SPATA9: variants seen among roughly 807,000 people sequenced by gnomAD.
The protein encoded by SPATA9 is spermatogenesis-associated protein 9.
SPATA9 carries 27 observed loss-of-function variants against 25.5 expected under a neutral mutation model. The ratio of observed to expected loss-of-function variants is 1.06; its 90% CI spans 0.78 to 1.46. The LOEUF (loss-of-function observed/expected upper bound fraction) is 1.46. SPATA9 is among the 40% of genes most tolerant of loss of function. The pLI is 0.00. For synonymous variants in SPATA9, 102 were observed against 105.7 expected (o/e 0.97, Z 0.21); for missense variants, 282 against 297.5 (o/e 0.95, Z 0.38).
upstream of SPATA9, among the ~76,000 whole-genome samples, chr5:95,701,097 T>C (rs1170701832): frequency 6.6e-6 from 1 of 152,228 alleles, no homozygotes; most frequent in Non-Finnish European, 1.5e-5. Flanking sequence ...ACTTTATCTG[T>C]AAAATGTGAG....
At chr5:95,707,377 G>A in the SPATA9 span, among the ~76,000 whole-genome samples, 1 of 152,036 alleles carries the variant, frequency 6.6e-6, no homozygotes, top group African/African-American at 2.4e-5. Flanking sequence ...ACACTGAGAC[G>A]AATTAAGAGT....
At chr5:95,661,048 A>C (rs116764979) in intron 4 of SPATA9, among the ~76,000 whole-genome samples, 2,022 of 152,208 alleles carry the variant, frequency 0.013, 24 homozygotes, top group Non-Finnish European at 0.023. Flanking sequence ...TTCCTTATCC[A>C]GTTATGCCGC....
chr5:95,664,895 G>A (rs928411665), intron 3 of SPATA9, among the ~76,000 whole-genome samples: 3 of 152,100 alleles, frequency 2.0e-5, no homozygotes, highest in Non-Finnish European at 4.4e-5. Flanking sequence ...ATGTTCATTA[G>A]ACAACGTTCA....
the SPATA9 span, chr5:95,708,598 A>G: frequency 1.4e-6 from 1 of 696,476 alleles, no homozygotes; most frequent in Non-Finnish European, 2.6e-6. Flanking sequence ...CCCAGGACAG[A>G]GGTAAAAGTC....
chr5:95,730,767 C>CAAATTAATTG, the SPATA9 span: 1 of 381,120 alleles, frequency 2.6e-6, no homozygotes, highest in African/African-American at 2.1e-5. Context: ...GCGACATTAG[C>CAAATTAATTG]AAATTAATTG....
chr5:95,696,021 C>G (rs1019992968), intron 1 of SPATA9, among the ~76,000 whole-genome samples: 3 of 152,228 alleles, frequency 2.0e-5, no homozygotes, highest in African/African-American at 7.2e-5. Context: ...GAACCAATGT[C>G]TCTGGCCAAC....
chr5:95,706,464 T>C, the SPATA9 span, among the ~76,000 whole-genome samples: 1 of 151,848 alleles, frequency 6.6e-6, no homozygotes, highest in East Asian at 1.9e-4. Flanking sequence ...CTGCCATGAT[T>C]AGAAATTTCC....
chr5:95,673,987 G>A (rs1484951000), intron 3 of SPATA9, among the ~76,000 whole-genome samples: 23 of 152,040 alleles, frequency 1.5e-4, no homozygotes, highest in Admixed American at 1.5e-3. Flanking sequence ...GGATCCGCCC[G>A]CCTCAGCCTC....
At chr5:95,731,865 C>T in the SPATA9 span, 1 of 1,612,758 alleles carries the variant, frequency 6.2e-7, no homozygotes, top group Admixed American at 1.7e-5. Context: ...GCAGGTCCAT[C>T]CACATCGTGG....
chr5:95,722,876 A>G, the SPATA9 span, among the ~76,000 whole-genome samples: 1 of 152,248 alleles, frequency 6.6e-6, no homozygotes, highest in Non-Finnish European at 1.5e-5. Context: ...ACCCTTCGAA[A>G]AATACTAGTA....
chr5:95,670,971 T>G, intron 3 of SPATA9: 3 of 868,638 alleles, frequency 3.5e-6, no homozygotes, highest in Non-Finnish European at 4.1e-6. Context: ...TACTGTATAC[T>G]CCCCACGTAA....
At position 95,676,895 on chromosome 5, in the gene SPATA9, G is replaced by A. The variant is rs954250452; in HGVS notation, c.151-1256C>T. On this transcript the variant is annotated intron_variant, in intron 2 of 4. Coordinates refer to ENST00000274432, the MANE Select transcript of SPATA9 (RefSeq NM_031952.4). ...CTGTGGTCCACAAGGCCCTACAAAG[G>A]TTGTCTTTTCTTCACCTGTTCAGCC... Among the ~76,000 whole-genome samples, 16 of 152,146 alleles carry A rather than the reference G, an allele frequency of 1.1e-4. No homozygotes were observed. In the South Asian group the frequency reaches 2.3e-3, roughly 22 times the overall value.
At chr5:95,701,485 T>A (rs1754178708), upstream of SPATA9, 1 of 152,124 alleles carries the variant, frequency 6.6e-6, no homozygotes, top group Non-Finnish European at 1.5e-5. Flanking sequence ...AACTAAAACA[T>A]CTATACTGGT....
intron 4 of SPATA9, among the ~76,000 whole-genome samples, chr5:95,662,447 T>G (rs1227323194): frequency 1.3e-5 from 2 of 152,198 alleles, no homozygotes; most frequent in African/African-American, 4.8e-5. Flanking sequence ...AGACTGGATC[T>G]CACTATTTTG....
At chr5:95,701,863 G>T (rs1754185195), upstream of SPATA9, among the ~76,000 whole-genome samples, 1 of 152,050 alleles carries the variant, frequency 6.6e-6, no homozygotes, top group Non-Finnish European at 1.5e-5. Context: ...CAGATTGATG[G>T]CAATACACAG....
chr5:95,689,180 C>T (rs949779146), intron 1 of SPATA9, among the ~76,000 whole-genome samples: 1 of 152,172 alleles, frequency 6.6e-6, no homozygotes, highest in African/African-American at 2.4e-5. Flanking sequence ...GACCAGAAAA[C>T]AGACACAATA....
intron 3 of SPATA9, among the ~76,000 whole-genome samples, chr5:95,669,474 C>A (rs932768110): frequency 2.0e-5 from 3 of 152,128 alleles, no homozygotes; most frequent in Admixed American, 6.6e-5. Context: ...AAAAAGAACA[C>A]GAGTTCACTG....
At chr5:95,731,112 C>A in the SPATA9 span, 2 of 1,084,678 alleles carry the variant, frequency 1.8e-6, no homozygotes, top group South Asian at 4.4e-5. Flanking sequence ...CGGGCTGGGG[C>A]GTTGTATTTA....
the SPATA9 span, among the ~76,000 whole-genome samples, chr5:95,706,799 ATATT>A: frequency 3.3e-5 from 5 of 151,670 alleles, no homozygotes; most frequent in African/African-American, 4.9e-5. Flanking sequence ...TCCTTCAACA[ATATT>A]TATTGTTTTA....
Sources: allele counts gnomAD v4.1 joint callset (sites outside exome capture counted in the v4.1 genomes callset), GRCh38; gene constraint gnomAD v4.1.1; transcripts MANE v1.5; gene names NCBI Gene and HGNC (gene_info 2026-07-23, HGNC 2026-07-21).